ZMIZ1: variants seen among roughly 807,000 people sequenced by gnomAD.
The protein encoded by ZMIZ1 is zinc finger MIZ domain-containing protein 1.
In ZMIZ1, 17 loss-of-function variants were observed where a neutral mutation model predicts 113.9. That is an observed-to-expected ratio of 0.15 (90% CI 0.10 to 0.22). The LOEUF is 0.22. ZMIZ1 is among the 10% of genes least tolerant of loss of function. The probability of loss-of-function intolerance (pLI) is 1.00; values close to 1 mark genes in which losing one functional copy is unlikely to be tolerated. For synonymous variants in ZMIZ1, 607 were observed against 603.1 expected (o/e 1.01, Z -0.09); for missense variants, 1,059 against 1,477.8 (o/e 0.72, Z 4.65).
chr10:79,121,864 A>G (rs1844305677), intron 2 of ZMIZ1, among the ~76,000 whole-genome samples: 1 of 152,148 alleles, frequency 6.6e-6, no homozygotes, highest in Non-Finnish European at 1.5e-5. Context: ...CAGCTCCACC[A>G]AAGTCCCAGA....
chr10:79,235,105 CT>C (rs954846221), intron 7 of ZMIZ1, among the ~76,000 whole-genome samples: 1 of 152,252 alleles, frequency 6.6e-6, no homozygotes, highest in Non-Finnish European at 1.5e-5. Context: ...TGGCGGCCAC[CT>C]TTGGATTTCT....
intron 12 of ZMIZ1, 98 bp downstream of exon 12, chr10:79,293,751 C>A: frequency 1.9e-6 from 3 of 1,561,106 alleles, no homozygotes; most frequent in African/African-American, 1.3e-5. Flanking sequence ...GTGGCTTGGA[C>A]TCCAGCACAC....
intron 3 of ZMIZ1, among the ~76,000 whole-genome samples, chr10:79,151,922 G>T (rs886228052): frequency 6.6e-6 from 1 of 152,212 alleles, no homozygotes; most frequent in Non-Finnish European, 1.5e-5. Flanking sequence ...GCTGCGTGCT[G>T]TGCTGGCTCC....
intron 2 of ZMIZ1, among the ~76,000 whole-genome samples, chr10:79,130,522 T>C (rs970908587): frequency 6.6e-6 from 1 of 152,178 alleles, no homozygotes; most frequent in Non-Finnish European, 1.5e-5. Context: ...TGCCATGCGG[T>C]TGCCCAGTGG....
At chr10:79,098,321 G>A (rs1030987481) in intron 1 of ZMIZ1, among the ~76,000 whole-genome samples, 4 of 152,202 alleles carry the variant, frequency 2.6e-5, no homozygotes, top group Non-Finnish European at 5.9e-5. Context: ...CTGCCTGGAG[G>A]CAGTGTAGTG....
intron 8 of ZMIZ1, among the ~76,000 whole-genome samples, chr10:79,282,313 A>G (rs1169220230): frequency 6.6e-6 from 1 of 152,208 alleles, no homozygotes; most frequent in Non-Finnish European, 1.5e-5. Flanking sequence ...TTAAGGCGAC[A>G]TTGAGCTGGA....
chr10:79,300,105 C>T (rs534241436), intron 16 of ZMIZ1, among the ~76,000 whole-genome samples: 3 of 152,316 alleles, frequency 2.0e-5, no homozygotes, highest in South Asian at 2.1e-4. Flanking sequence ...GGAGCTGCAA[C>T]GCTCAGGCAG....
chr10:79,129,038 T>A (rs543841941), intron 2 of ZMIZ1, among the ~76,000 whole-genome samples: 106 of 152,276 alleles, frequency 7.0e-4, no homozygotes, highest in Non-Finnish European at 1.2e-3. Flanking sequence ...CTGGTACTCA[T>A]AGTAGTAAGA....
chr10:79,269,456 A>AACAC (rs55634343), intron 7 of ZMIZ1, among the ~76,000 whole-genome samples: 17,334 of 138,390 alleles, frequency 0.13, 1,271 homozygotes, highest in Non-Finnish European at 0.13. Flanking sequence ...ACCTCCCCCC[A>AACAC]ACACACACAC....
chr10:79,076,582 T>C (rs1297770757), intron 1 of ZMIZ1, among the ~76,000 whole-genome samples: 2 of 152,186 alleles, frequency 1.3e-5, no homozygotes, highest in Non-Finnish European at 2.9e-5. Context: ...ATGCCTGTAA[T>C]CTCAGCACTC....
chr10:79,151,312 T>C (rs1845701801), intron 3 of ZMIZ1, among the ~76,000 whole-genome samples: 1 of 152,194 alleles, frequency 6.6e-6, no homozygotes, highest in South Asian at 2.1e-4. Flanking sequence ...CCTTAAGATT[T>C]GGGGACACAG....
chr10:79,250,292 C>G (rs1044722053), intron 7 of ZMIZ1, among the ~76,000 whole-genome samples: 12 of 152,248 alleles, frequency 7.9e-5, no homozygotes, highest in African/African-American at 2.7e-4. Flanking sequence ...TGTCCTTGCC[C>G]TGTGTTGCAG....
chr10:79,194,607 A>G (rs536001240), intron 4 of ZMIZ1, among the ~76,000 whole-genome samples: 1 of 152,226 alleles, frequency 6.6e-6, no homozygotes, highest in South Asian at 2.1e-4. Context: ...TTGGCAGCCC[A>G]GAGATATCCA....
At chr10:79,131,221 C>T (rs1844752473) in intron 2 of ZMIZ1, among the ~76,000 whole-genome samples, 1 of 152,222 alleles carries the variant, frequency 6.6e-6, no homozygotes, top group African/African-American at 2.4e-5. Context: ...GCAGCAATGA[C>T]CAGCCAGGCC....
chr10:79,124,598 A>G (rs1844435599), intron 2 of ZMIZ1, among the ~76,000 whole-genome samples: 1 of 152,220 alleles, frequency 6.6e-6, no homozygotes, highest in Admixed American at 6.5e-5. Flanking sequence ...CTGGGAGAGC[A>G]CAGCTCCAGG....
chr10:79,166,607 CTAACAAGG>C (rs1438603212), intron 4 of ZMIZ1, among the ~76,000 whole-genome samples: 1 of 152,264 alleles, frequency 6.6e-6, no homozygotes, highest in Non-Finnish European at 1.5e-5. Flanking sequence ...CCTGTGCCCA[CTAACAAGG>C]GGTGGTTGGA....
chr10:79,287,917 A>G (rs906565756), intron 8 of ZMIZ1, among the ~76,000 whole-genome samples: 1 of 152,244 alleles, frequency 6.6e-6, no homozygotes, highest in African/African-American at 2.4e-5. Flanking sequence ...TAATTAGGAC[A>G]GTGGTGGAGT....
intron 4 of ZMIZ1, 25 bp from the exon 5 acceptor site, chr10:79,201,559 G>A: frequency 6.4e-7 from 1 of 1,571,836 alleles, no homozygotes. Flanking sequence ...GTGATCCAGT[G>A]ACAACCTCTC....
chr10:79,234,766 C>T (rs1386325721), intron 7 of ZMIZ1, among the ~76,000 whole-genome samples: 3 of 152,208 alleles, frequency 2.0e-5, no homozygotes, highest in East Asian at 1.9e-4. Context: ...CAGCCTACTC[C>T]GGCCTTTACA....
Sources: allele counts gnomAD v4.1 joint callset (sites outside exome capture counted in the v4.1 genomes callset), GRCh38; gene constraint gnomAD v4.1.1; transcripts MANE v1.5; gene names NCBI Gene and HGNC (gene_info 2026-07-23, HGNC 2026-07-21).